Variants in SHISA9 observed in about 807,000 individuals in gnomAD.
The protein encoded by SHISA9 is shisa family member 9.
SHISA9 carries 13 observed loss-of-function variants against 38.0 expected under a neutral mutation model. The observed-to-expected ratio is 0.34, with a 90% CI of 0.22 to 0.54. The LOEUF (loss-of-function observed/expected upper bound fraction) is 0.54. Among genes scored for constraint, SHISA9 ranks in the 20% least tolerant of loss-of-function variants. The probability of loss-of-function intolerance (pLI) is 0.91; values close to 1 mark genes in which losing one functional copy is unlikely to be tolerated. For missense variants in SHISA9, 538 were observed against 575.8 expected (o/e 0.93, Z 0.67); for synonymous variants, 275 against 242.0 (o/e 1.14, Z -1.27).
chr16:13,081,254 G>T (rs16961117), intron 2 of SHISA9, among the ~76,000 whole-genome samples: 1 of 152,168 alleles, frequency 6.6e-6, no homozygotes. Context: ...GGACTTTTCA[G>T]TCATTTTGTA....
intron 2 of SHISA9, among the ~76,000 whole-genome samples, chr16:13,169,982 C>T (rs970736729): frequency 6.6e-6 from 1 of 152,120 alleles, no homozygotes; most frequent in Non-Finnish European, 1.5e-5. Flanking sequence ...GCAAGTGGAT[C>T]ACCTGAGGTC....
chr16:13,505,950 C>G, the SHISA9 span, among the ~76,000 whole-genome samples: 1 of 152,182 alleles, frequency 6.6e-6, no homozygotes, highest in Non-Finnish European at 1.5e-5. Context: ...CATTGGCCCA[C>G]TGGAGAACAG....
chr16:13,318,426 G>A, the SHISA9 span, among the ~76,000 whole-genome samples: 3 of 152,012 alleles, frequency 2.0e-5, no homozygotes, highest in African/African-American at 4.8e-5. Flanking sequence ...GGGTTCAAGT[G>A]ATTCTTCTGC....
At chr16:13,008,705 C>T (rs900962004) in intron 2 of SHISA9, among the ~76,000 whole-genome samples, 5 of 136,000 alleles carry the variant, frequency 3.7e-5, no homozygotes, top group Non-Finnish European at 7.7e-5. Context: ...TTCCTGGCAC[C>T]TTGTAAGATA....
chr16:13,098,796 A>C (rs114737445), intron 2 of SHISA9, among the ~76,000 whole-genome samples: 2,281 of 152,242 alleles, frequency 0.015, 50 homozygotes, highest in African/African-American at 0.051. Flanking sequence ...GTGGTTCTGG[A>C]CTCAGAGAGG....
the SHISA9 span, among the ~76,000 whole-genome samples, chr16:13,416,748 AAGGAAGGAAGG>A: frequency 2.2e-5 from 2 of 92,108 alleles, no homozygotes; most frequent in African/African-American, 1.0e-4. Flanking sequence ...GAAAGAAAGG[AAGGAAGGAAGG>A]AAGGAAGGAA....
chr16:12,916,726 A>G lies in SHISA9; in HGVS notation c.602A>G (p.Asn201Ser), dbSNP rs1235954823. The change falls in exon 2 of 5, where the codon AAC becomes AGC. Residue 201 changes from asparagine to serine, a missense_variant. By Grantham distance (46) the Asn-to-Ser change is conservative. This residue lies in a region of SHISA9 where 326 missense variants were observed against 305.9 expected (regional missense o/e 1.07). Coordinates refer to ENST00000558583, the MANE Select transcript of SHISA9 (RefSeq NM_001145204.3). ...ADVMRPQGHC[N>S]TDHMERDLNI... is the part of the protein sequence containing the mutation. Reference sequence around the variant, plus strand: ...GTCATGAGACCACAGGGCCACTGCAACACTGATCACATGGAGAGAGACCTA... The same window carrying G: ...GTCATGAGACCACAGGGCCACTGCAGCACTGATCACATGGAGAGAGACCTA... 6.4e-7 allele frequency: 1 copy of G among 1,552,148 alleles called. No individual in the cohort carries two copies. Among genetic ancestry groups the G allele is most frequent in the Non-Finnish European group, 8.7e-7 (1 of 1,147,080 alleles).
At chr16:13,369,382 A>G in the SHISA9 span, among the ~76,000 whole-genome samples, 2 of 152,166 alleles carry the variant, frequency 1.3e-5, no homozygotes, top group Non-Finnish European at 2.9e-5. Flanking sequence ...TTGCTGGTTT[A>G]TTAAATGAAT....
chr16:13,136,169 G>A (rs1044768825), intron 2 of SHISA9, among the ~76,000 whole-genome samples: 1 of 152,018 alleles, frequency 6.6e-6, no homozygotes, highest in Non-Finnish European at 1.5e-5. Context: ...GAGAGACTTG[G>A]GTTTGAATTC....
At chr16:13,541,073 G>A in the SHISA9 span, among the ~76,000 whole-genome samples, 6 of 152,162 alleles carry the variant, frequency 3.9e-5, no homozygotes, top group Middle Eastern at 3.2e-3. Flanking sequence ...ACTCAGTGGC[G>A]ACAAGCTGTG....
the SHISA9 span, among the ~76,000 whole-genome samples, chr16:13,250,868 A>C: frequency 6.6e-6 from 1 of 152,072 alleles, no homozygotes; most frequent in Non-Finnish European, 1.5e-5. Flanking sequence ...CTCAGACTTG[A>C]CCACCATGAT....
chr16:13,407,521 C>G, the SHISA9 span, among the ~76,000 whole-genome samples: 3 of 152,176 alleles, frequency 2.0e-5, no homozygotes, highest in East Asian at 5.8e-4. Context: ...GAGGGGGACA[C>G]AAGTGTTCAG....
Position 12,967,180 on chromosome 16 carries a change from C to CAT in SHISA9, c.691+50365_691+50366insAT, listed in dbSNP as rs1190584749. ...AACCCAAATGTCCATCAATGATAGA[C>CAT]TGGATTAAGAAAATGTGGCACATAT... On this transcript the variant is annotated intron_variant, in intron 2 of 4. Transcript: ENST00000558583. Among the ~76,000 whole-genome samples the CAT allele has an allele frequency of 1.2e-3, 189 of 152,138 alleles. 2 individuals carry two copies. Among genetic ancestry groups the CAT allele is most frequent in the Non-Finnish European group, 4.3e-4 (29 of 68,038 alleles).
chr16:13,194,266 G>A (rs763754249), intron 2 of SHISA9, among the ~76,000 whole-genome samples: 9 of 152,134 alleles, frequency 5.9e-5, no homozygotes, highest in Non-Finnish European at 1.2e-4. Flanking sequence ...TCTTCCAAAT[G>A]TGCGTGACTT....
intron 2 of SHISA9, among the ~76,000 whole-genome samples, chr16:13,141,879 C>T (rs898432087): frequency 5.3e-5 from 8 of 152,304 alleles, no homozygotes; most frequent in Non-Finnish European, 1.0e-4. Context: ...TGGCTAATCA[C>T]TGCCTCCCTT....
intron 2 of SHISA9, among the ~76,000 whole-genome samples, chr16:13,018,181 T>C (rs955925625): frequency 6.6e-6 from 1 of 152,200 alleles, no homozygotes; most frequent in Admixed American, 6.5e-5. Context: ...TTTGGATACA[T>C]TCTCCATCAG....
chr16:12,966,349 C>A (rs2071977499), intron 2 of SHISA9, among the ~76,000 whole-genome samples: 1 of 61,146 alleles, frequency 1.6e-5, no homozygotes, highest in African/African-American at 6.6e-5. Context: ...CCTCCCTTCT[C>A]AAATCCTAAA....
chr16:13,170,565 G>T (rs537938376), intron 2 of SHISA9, among the ~76,000 whole-genome samples: 2 of 152,230 alleles, frequency 1.3e-5, no homozygotes, highest in Non-Finnish European at 2.9e-5. Context: ...TGGTTGGTCT[G>T]TGCAGCAAAG....
At chr16:13,467,705 C>T in the SHISA9 span, among the ~76,000 whole-genome samples, 1 of 152,186 alleles carries the variant, frequency 6.6e-6, no homozygotes, top group Non-Finnish European at 1.5e-5. Flanking sequence ...CCAGAATTGC[C>T]TGTTGGATGG....
Sources: allele counts gnomAD v4.1 joint callset (sites outside exome capture counted in the v4.1 genomes callset), GRCh38; gene constraint gnomAD v4.1.1; regional missense constraint gnomAD v4.1.1; transcripts MANE v1.5; gene names NCBI Gene and HGNC (gene_info 2026-07-23, HGNC 2026-07-21).